GABRG3: variants seen among roughly 807,000 people sequenced by gnomAD.
GABRG3 encodes gamma-aminobutyric acid receptor subunit gamma-3.
In GABRG3, 25 loss-of-function variants were observed where a neutral mutation model predicts 48.8. That is an observed-to-expected ratio of 0.51 (90% CI 0.37 to 0.72). GABRG3 has a LOEUF of 0.72. Ranked by LOEUF, GABRG3 falls within the 30% of genes least tolerant of loss-of-function variation. The pLI, the probability that GABRG3 is intolerant of heterozygous loss-of-function variation, is 0.00. For synonymous variants in GABRG3, 227 were observed against 217.6 expected (o/e 1.04, Z -0.38); for missense variants, 394 against 577.9 (o/e 0.68, Z 3.26).
chr15:27,140,709 C>T (rs117467404), intron 3 of GABRG3, among the ~76,000 whole-genome samples: 1,551 of 151,712 alleles, frequency 0.01, 14 homozygotes, highest in Non-Finnish European at 0.017. Flanking sequence ...CTGATTGTTC[C>T]TTCATAATAG....
chr15:27,317,620 A>G (rs1020174892), intron 3 of GABRG3, among the ~76,000 whole-genome samples: 2 of 152,208 alleles, frequency 1.3e-5, no homozygotes, highest in African/African-American at 4.8e-5. Flanking sequence ...TTAAAAGAAC[A>G]TTTCAGTCTG....
intron 3 of GABRG3, among the ~76,000 whole-genome samples, chr15:27,279,227 T>A (rs144092375): frequency 6.6e-6 from 1 of 152,204 alleles, no homozygotes. Flanking sequence ...CTTTTCTTCC[T>A]CTTAACAGGG....
At chr15:27,150,223 T>C (rs1458648681) in intron 3 of GABRG3, among the ~76,000 whole-genome samples, 1 of 152,142 alleles carries the variant, frequency 6.6e-6, no homozygotes, top group Non-Finnish European at 1.5e-5. Flanking sequence ...TATTTTTAAA[T>C]ACAGAGGAAA....
At chr15:27,416,864 C>T (rs1194808462) in intron 5 of GABRG3, among the ~76,000 whole-genome samples, 1 of 152,172 alleles carries the variant, frequency 6.6e-6, no homozygotes, top group African/African-American at 2.4e-5. Flanking sequence ...GTTTGCTCAG[C>T]TTTTTACCTG....
intron 5 of GABRG3, among the ~76,000 whole-genome samples, chr15:27,435,564 C>G (rs951025516): frequency 4.6e-5 from 7 of 152,094 alleles, no homozygotes; most frequent in Non-Finnish European, 8.8e-5. Context: ...CTCTGACCAC[C>G]AGAATATAGG....
chr15:27,163,696 C>G (rs1200680829), intron 3 of GABRG3, among the ~76,000 whole-genome samples: 5 of 152,178 alleles, frequency 3.3e-5, no homozygotes, highest in Non-Finnish European at 7.3e-5. Context: ...CATTTTTTAT[C>G]TCTCACTCTC....
intron 3 of GABRG3, among the ~76,000 whole-genome samples, chr15:27,135,819 C>T (rs908939549): frequency 2.0e-5 from 3 of 152,164 alleles, no homozygotes; most frequent in Non-Finnish European, 4.4e-5. Context: ...GCAGGAGAAT[C>T]ACTCAAACCT....
At chr15:27,506,057 T>A (rs1306859815) in intron 6 of GABRG3, among the ~76,000 whole-genome samples, 2 of 152,194 alleles carry the variant, frequency 1.3e-5, no homozygotes, top group South Asian at 4.1e-4. Flanking sequence ...TCAGCATTGT[T>A]CCCTTACCTT....
At chr15:27,048,641 C>T (rs1896405571) in intron 3 of GABRG3, among the ~76,000 whole-genome samples, 1 of 152,202 alleles carries the variant, frequency 6.6e-6, no homozygotes, top group Non-Finnish European at 1.5e-5. Flanking sequence ...CATTAATCAG[C>T]TGCCCACGGG....
intron 8 of GABRG3, 42 bp downstream of exon 8, chr15:27,527,671 C>T (rs1313982202): frequency 9.1e-6 from 14 of 1,531,520 alleles, no homozygotes; most frequent in East Asian, 2.4e-5. Context: ...GTAATGGGGG[C>T]GCTGTTTGAG....
chr15:27,425,512 G>A lies in GABRG3; in HGVS notation c.575-55138G>A, dbSNP rs112632751. ...TGTAGTCCCAGCTACTCGGGAGGCTGAGGCAGGAGAATGATGTCAACCCTG... is the reference window on the plus strand; with the variant it reads ...TGTAGTCCCAGCTACTCGGGAGGCTAAGGCAGGAGAATGATGTCAACCCTG... On this transcript the variant is annotated intron_variant, in intron 5 of 9. Coordinates refer to ENST00000615808, the MANE Select transcript of GABRG3 (RefSeq NM_033223.5). Among the ~76,000 whole-genome samples, 35 of 151,660 alleles carry A rather than the reference G, an allele frequency of 2.3e-4. 1 individual carries two copies. Among genetic ancestry groups the A allele is most frequent in the Admixed American group, 8.5e-4 (13 of 15,240 alleles).
chr15:27,394,523 A>ATG (rs1344191942), intron 5 of GABRG3, among the ~76,000 whole-genome samples: 353 of 152,182 alleles, frequency 2.3e-3, no homozygotes, highest in African/African-American at 8.1e-3. Flanking sequence ...ATATTTACCT[A>ATG]TATAATTACA....
At chr15:27,392,802 G>T (rs571563964) in intron 5 of GABRG3, among the ~76,000 whole-genome samples, 1 of 152,098 alleles carries the variant, frequency 6.6e-6, no homozygotes, top group African/African-American at 2.4e-5. Flanking sequence ...TTATACTCTG[G>T]GTTATAACCC....
intron 3 of GABRG3, among the ~76,000 whole-genome samples, chr15:27,324,584 G>A (rs1893541569): frequency 1.3e-5 from 2 of 152,210 alleles, no homozygotes; most frequent in South Asian, 4.1e-4. Context: ...AGCAGAGGCT[G>A]CCATTTGCCC....
intron 5 of GABRG3, among the ~76,000 whole-genome samples, chr15:27,467,405 A>G (rs1033440746): frequency 1.6e-4 from 25 of 152,142 alleles, no homozygotes; most frequent in Admixed American, 1.5e-3. Context: ...GTACCACTGC[A>G]CTTTTAGGAG....
intron 6 of GABRG3, among the ~76,000 whole-genome samples, chr15:27,518,936 G>A (rs1471773893): frequency 6.6e-6 from 1 of 152,156 alleles, no homozygotes; most frequent in East Asian, 1.9e-4. Context: ...GGCAGAAGGT[G>A]GTAGCTTGGA....
rs10564490 is a variant in GABRG3 at position 27,029,437 on chromosome 15, GCACA to G, written c.270+2632_270+2635del. On this transcript the variant is annotated intron_variant, in intron 3 of 9. Transcript: ENST00000615808. ...GGGCAGGCAAGGATTTGTTTAAAAT[GCACA>G]CACACACACACACACGCATGCACAC... Among the ~76,000 whole-genome samples, 98 of 150,602 alleles carry G rather than the reference GCACA, an allele frequency of 6.5e-4. No individual in the cohort carries two copies. The Middle Eastern group carries it at 0.01, about 16-fold the overall frequency.
At chr15:27,467,653 A>G (rs1250518519) in intron 5 of GABRG3, among the ~76,000 whole-genome samples, 2 of 152,164 alleles carry the variant, frequency 1.3e-5, no homozygotes, top group African/African-American at 2.4e-5. Flanking sequence ...CTTTAGTTCT[A>G]TTTTTTATGG....
intron 3 of GABRG3, among the ~76,000 whole-genome samples, chr15:27,067,761 T>G (rs1004049684): frequency 6.6e-6 from 1 of 152,174 alleles, no homozygotes; most frequent in Non-Finnish European, 1.5e-5. Flanking sequence ...TGTTCAGGCC[T>G]CCTCTTTATT....
Sources: allele counts gnomAD v4.1 joint callset (sites outside exome capture counted in the v4.1 genomes callset), GRCh38; gene constraint gnomAD v4.1.1; transcripts MANE v1.5; gene names NCBI Gene and HGNC (gene_info 2026-07-23, HGNC 2026-07-21).